The following DNAH14 variants were observed in gnomAD, a reference collection of about 807,000 sequenced individuals.
The protein encoded by DNAH14 is axonemal beta dynein heavy chain 14.
Under a neutral mutation model 520.9 loss-of-function variants are expected in DNAH14, and 478 were observed. The observed-to-expected ratio is 0.92, with a 90% CI of 0.85 to 0.99. The LOEUF (loss-of-function observed/expected upper bound fraction) is 0.99. DNAH14 is among the 50% of genes least tolerant of loss of function. The pLI, the probability that DNAH14 is intolerant of heterozygous loss-of-function variation, is 0.00. For missense variants in DNAH14, 4,831 were observed against 5,234.5 expected, an observed-to-expected ratio of 0.92 and a Z score of 2.38; for synonymous variants, 1,581 against 1,757.2, an observed-to-expected ratio of 0.90 and a Z score of 2.51.
chr1:225,277,024 AGGGAGGAAG>A (rs2093495732), intron 53 of DNAH14, among the ~76,000 whole-genome samples: 1 of 72,820 alleles, frequency 1.4e-5, no homozygotes, highest in African/African-American at 5.8e-5. Flanking sequence ...GGAGGGAGGG[AGGGAGGAAG>A]GGGAAAGGAA....
intron 77 of DNAH14, among the ~76,000 whole-genome samples, chr1:225,372,187 A>G (rs936761559): frequency 6.6e-6 from 1 of 152,184 alleles, no homozygotes; most frequent in Non-Finnish European, 1.5e-5. Context: ...TAATAATCAG[A>G]TATAATGCAG....
chr1:225,178,343 A>G (rs2083560509), intron 36 of DNAH14, among the ~76,000 whole-genome samples: 1 of 152,178 alleles, frequency 6.6e-6, no homozygotes, highest in African/African-American at 2.4e-5. Flanking sequence ...CACTTCTTAC[A>G]TGGTGTCAGC....
rs576776740 is a variant in DNAH14, at chr1:224,970,147, G to T, written c.767+1273G>T. Among the ~76,000 whole-genome samples the T allele has an allele frequency of 3.3e-5, 5 of 152,252 alleles. No homozygotes were observed. The East Asian group carries it at 7.7e-4, about 24-fold the overall frequency. ...GGAACATCCCTGAGAAAGAGAATGC[G>T]TCCCTGAGGGTAGGCCTCTGAAATG... On this transcript the variant is annotated intron_variant, in intron 7 of 85. Coordinates refer to ENST00000682510, the MANE Select transcript of DNAH14 (RefSeq NM_001367479.1).
intron 15 of DNAH14, among the ~76,000 whole-genome samples, chr1:225,047,827 C>T (rs2068099960): frequency 1.3e-5 from 2 of 152,202 alleles, no homozygotes. Flanking sequence ...TTTTCTTTCC[C>T]ACCCTCTTCA....
At chr1:224,966,587 C>T (rs1212247281) in intron 5 of DNAH14, among the ~76,000 whole-genome samples, 1 of 152,106 alleles carries the variant, frequency 6.6e-6, no homozygotes, top group East Asian at 1.9e-4. Flanking sequence ...ATTGCAATAG[C>T]TCAGAATATG....
At chr1:225,149,538 G>A (rs1173950131) in intron 31 of DNAH14, among the ~76,000 whole-genome samples, 1 of 152,078 alleles carries the variant, frequency 6.6e-6, no homozygotes, top group Non-Finnish European at 1.5e-5. Context: ...GGTCATTTTA[G>A]CAATATTGAT....
intron 73 of DNAH14, chr1:225,357,845 A>G (rs1049587633): frequency 2.3e-5 from 16 of 701,910 alleles, no homozygotes; most frequent in African/African-American, 1.9e-4. Flanking sequence ...GACATATTTT[A>G]TGGTCATTGT....
intron 43 of DNAH14, among the ~76,000 whole-genome samples, chr1:225,244,852 G>A (rs895740548): frequency 6.6e-6 from 1 of 152,054 alleles, no homozygotes; most frequent in East Asian, 1.9e-4. Flanking sequence ...ATCTCCTTCA[G>A]TTCTGCTCTG....
Position 225,304,899 on chromosome 1 carries a change from A to G in DNAH14, c.8824-9A>G, listed in dbSNP as rs939740043. The G allele has an allele frequency of 6.0e-5, 90 of 1,501,952 alleles. No individual in the cohort carries two copies. The highest frequency in any genetic ancestry group is 7.9e-5 in the Non-Finnish European group (89 of 1,132,398). The allele number at this position is 1,501,952 out of a possible 1,614,324, so 93.0% of individuals were successfully genotyped here. ...TTTCTCTTAATTCTTAAAAATTATTATTCTTCAGAACTTGAAAGAAAAACT... is the reference window on the plus strand; with the variant it reads ...TTTCTCTTAATTCTTAAAAATTATTGTTCTTCAGAACTTGAAAGAAAAACT... On this transcript the variant is annotated splice_polypyrimidine_tract_variant and intron_variant, in intron 57 of 85. Coordinates refer to ENST00000682510, the MANE Select transcript of DNAH14 (RefSeq NM_001367479.1).
At chr1:225,060,178 C>T (rs907091167) in intron 17 of DNAH14, among the ~76,000 whole-genome samples, 2 of 152,206 alleles carry the variant, frequency 1.3e-5, no homozygotes, top group Admixed American at 6.5e-5. Context: ...GGTCTTTTCA[C>T]ATAGTCCCAT....
chr1:225,381,388 G>T lies in DNAH14; in HGVS notation c.12886G>T (p.Asp4296Tyr). The change falls in exon 81 of 86, where the codon GAC becomes TAC. Residue 4296 changes from aspartate to tyrosine, a missense_variant. Coordinates refer to ENST00000682510, the MANE Select transcript of DNAH14 (RefSeq NM_001367479.1). The part of the protein sequence containing the change: ...ESLSKNLKDH[D>Y]PLIHCVLLTF... ...TATTTCTTTTTAAAATCCAGATCACGACCCCCTTATCCATTGTGTCTTGCT... is the reference window on the plus strand; with the variant it reads ...TATTTCTTTTTAAAATCCAGATCACTACCCCCTTATCCATTGTGTCTTGCT... 1 of 1,533,738 alleles carries T rather than the reference G, an allele frequency of 6.5e-7. No homozygotes were observed. The highest frequency in any genetic ancestry group is 2.5e-5 in the East Asian group (1 of 40,724).
intron 49 of DNAH14, among the ~76,000 whole-genome samples, chr1:225,269,239 T>C (rs997390760): frequency 2.7e-4 from 41 of 152,210 alleles, no homozygotes; most frequent in African/African-American, 9.9e-4. Context: ...AAGGATTCCC[T>C]ATTTAATAAA....
chr1:225,269,250 T>C (rs1292525493), intron 49 of DNAH14, among the ~76,000 whole-genome samples: 2 of 152,174 alleles, frequency 1.3e-5, no homozygotes, highest in Admixed American at 1.3e-4. Context: ...ATTTAATAAA[T>C]GGTGCTGGGA....
chr1:225,333,241 CATG>C, intron 65 of DNAH14, 47 bp from the exon 66 acceptor site: 1 of 1,355,824 alleles, frequency 7.4e-7, no homozygotes, highest in East Asian at 2.5e-5. Flanking sequence ...TAAAATATCT[CATG>C]ATAATATATT....
intron 73 of DNAH14, chr1:225,358,015 T>A: frequency 1.8e-6 from 1 of 561,638 alleles, no homozygotes; most frequent in South Asian, 2.6e-5. Flanking sequence ...TCTTTTCAGA[T>A]TTGTATTCTA....
chr1:225,036,724 T>C (rs1019560491), intron 11 of DNAH14, among the ~76,000 whole-genome samples: 1 of 152,192 alleles, frequency 6.6e-6, no homozygotes, highest in Non-Finnish European at 1.5e-5. Flanking sequence ...CCTCTGTGCC[T>C]GAGCTGTCTT....
chr1:225,345,872 C>A (rs2150419305), intron 69 of DNAH14, 90 bp from the exon 70 acceptor site: 1 of 1,139,494 alleles, frequency 8.8e-7, no homozygotes, highest in Non-Finnish European at 1.2e-6. Flanking sequence ...GCCAACAGTA[C>A]AAACCCTTAC....
rs1558539237 is a variant in DNAH14 at position 225,367,800 on chromosome 1, T to G, written c.12091-5T>G. On this transcript the variant is annotated splice_polypyrimidine_tract_variant and splice_region_variant and intron_variant, in intron 76 of 85. Transcript: ENST00000682510. ...CATGCCATTTTACTCACATCTGTTT[T>G]CAAGATTGCCGTGGAATCTCCCCAG... The G allele has an allele frequency of 6.5e-7, 1 of 1,548,916 alleles. No homozygotes were observed. The highest frequency in any genetic ancestry group is 2.4e-5 in the East Asian group (1 of 40,904).
intron 35 of DNAH14, among the ~76,000 whole-genome samples, chr1:225,160,954 C>T (rs540786709): frequency 6.6e-6 from 1 of 152,054 alleles, no homozygotes; most frequent in East Asian, 1.9e-4. Context: ...AAGTCTAATT[C>T]ATTTGTTTTC....
Sources: gnomAD v4.1 joint callset for allele counts (sites outside exome capture counted in the v4.1 genomes callset) on GRCh38, gnomAD v4.1.1 for gene constraint, MANE v1.5 for transcripts, NCBI Gene and HGNC (gene_info 2026-07-23, HGNC 2026-07-21) for gene names.